Variants in TPP2 observed in about 807,000 individuals in gnomAD.
The protein encoded by TPP2 is tripeptidyl peptidase 2.
TPP2 carries 34 observed loss-of-function variants against 155.9 expected under a neutral mutation model. The observed-to-expected ratio is 0.22, with a 90% confidence interval of 0.17 to 0.29. The LOEUF (loss-of-function observed/expected upper bound fraction) is 0.29. Among genes scored for constraint, TPP2 ranks in the 10% least tolerant of loss-of-function variants. TPP2 has a pLI of 1.00. For missense variants in TPP2, 1,028 were observed against 1,522.3 expected, an observed-to-expected ratio of 0.68 and a Z score of 5.40; for synonymous variants, 510 against 529.4, an observed-to-expected ratio of 0.96 and a Z score of 0.50.
chr13:102,627,665 C>T (rs1321289931), intron 7 of TPP2, among the ~76,000 whole-genome samples, 183 bp from the exon 8 acceptor site: 2 of 150,746 alleles, frequency 1.3e-5, no homozygotes, highest in African/African-American at 2.4e-5. Flanking sequence ...TTATGTGTCT[C>T]CTCCTACCTT....
chr13:102,643,336 T>C lies in TPP2; in HGVS notation c.2135T>C (p.Leu712Pro). The change falls in exon 17 of 30, where the codon CTT becomes CCT. Residue 712 changes from leucine to proline, a missense_variant. By Grantham distance (98) the Leu-to-Pro change is moderately conservative. Transcript: ENST00000376052. The stretch of plus-strand genomic sequence containing the variant: ...CATGAATTCTATAAGTTTTGTTCTC[T>C]TCCAGAGAAAGGAACACTGACTGAA... Reference protein sequence around the residue: ...RSHEFYKFCSLPEKGTLTEAF... With the variant: ...RSHEFYKFCSPPEKGTLTEAF... 6.2e-7 allele frequency: 1 copy of C among 1,612,394 alleles called. No individual in the cohort carries two copies. Among genetic ancestry groups the C allele is most frequent in the Non-Finnish European group, 8.5e-7 (1 of 1,179,418 alleles).
At position 102,649,403 on chromosome 13, in the gene TPP2, T is replaced by C. The variant is rs770408544; in HGVS notation, c.2874-5T>C. On this transcript the variant is annotated splice_polypyrimidine_tract_variant and splice_region_variant and intron_variant, in intron 22 of 29. Transcript: ENST00000376052. ...CTTTTTTTCTCTTTGAATTCTCTTG[T>C]TTAGAATACCTAAAGGGGCAGGACC... 38 of 1,606,066 alleles carry C rather than the reference T, an allele frequency of 2.4e-5. No homozygotes were observed. Among genetic ancestry groups the C allele is most frequent in the Non-Finnish European group, 3.1e-5 (36 of 1,177,842 alleles).
chr13:102,610,804 A>G (rs1001057047), intron 2 of TPP2, among the ~76,000 whole-genome samples: 1 of 151,940 alleles, frequency 6.6e-6, no homozygotes, highest in African/African-American at 2.4e-5. Context: ...ATACATACAT[A>G]AAATACATAA....
intron 24 of TPP2, among the ~76,000 whole-genome samples, chr13:102,653,141 T>G (rs1314375556): frequency 6.6e-6 from 1 of 152,214 alleles, no homozygotes; most frequent in Non-Finnish European, 1.5e-5. Context: ...GCTAGAGTTA[T>G]CTCTGCTCGT....
intron 29 of TPP2, among the ~76,000 whole-genome samples, chr13:102,676,689 G>A (rs748889610): frequency 5.3e-5 from 8 of 152,172 alleles, no homozygotes; most frequent in African/African-American, 9.7e-5. Flanking sequence ...TTTTGTAACC[G>A]TAGAAGCCAG....
At position 102,637,224 on chromosome 13, in the gene TPP2, A is replaced by G. The variant is rs1330840477; in HGVS notation, c.1821A>G (p.Gly607=). ...TGGATCCCAGGGGCTTAAGAGAAGG[A>G]TTGCATTATACAGAGGTATTGATGT... ...IRVDPRGLRE[G]LHYTEVCGYD... is the part of the protein sequence containing the mutation. Residue 607 remains glycine (G), a synonymous_variant, in exon 14 of 30, where the codon GGA becomes GGG. Coordinates refer to ENST00000376052, the MANE Select transcript of TPP2 (RefSeq NM_001330588.2). 7 of 1,604,120 alleles carry G rather than the reference A, an allele frequency of 4.4e-6. No individual in the cohort carries two copies. The highest frequency in any genetic ancestry group is 4.0e-5 in the African/African-American group (3 of 74,580).
At chr13:102,659,261 A>G (rs912269690) in intron 25 of TPP2, among the ~76,000 whole-genome samples, 2 of 152,250 alleles carry the variant, frequency 1.3e-5, no homozygotes, top group African/African-American at 4.8e-5. Context: ...AGTCCATGGA[A>G]CAGGAGTACC....
intron 12 of TPP2, 76 bp downstream of exon 12, chr13:102,635,778 T>C (rs1323038818): frequency 1.7e-6 from 2 of 1,162,320 alleles, no homozygotes. Flanking sequence ...GGTAATATTT[T>C]GTTTTATAAC....
chr13:102,658,151 T>C (rs1883979078), intron 25 of TPP2, among the ~76,000 whole-genome samples: 1 of 152,242 alleles, frequency 6.6e-6, no homozygotes. Flanking sequence ...ATTTATTCTA[T>C]GTAGTCAAGT....
intron 9 of TPP2, 56 bp downstream of exon 9, chr13:102,629,665 T>C: frequency 6.5e-7 from 1 of 1,530,332 alleles, no homozygotes. Flanking sequence ...CAAAAAACAA[T>C]AGTTAATGAA....
At chr13:102,663,839 G>C (rs1477927391) in intron 26 of TPP2, 95 bp downstream of exon 26, 1 of 946,352 alleles carries the variant, frequency 1.1e-6, no homozygotes, top group Non-Finnish European at 1.5e-6. Context: ...TTCTGTTCTT[G>C]CTAACTAAAA....
chr13:102,635,239 C>T (rs1882289261), intron 11 of TPP2, among the ~76,000 whole-genome samples: 1 of 152,126 alleles, frequency 6.6e-6, no homozygotes, highest in South Asian at 2.1e-4. Context: ...GGTTGAACAC[C>T]ACAGCCAACA....
intron 28 of TPP2, among the ~76,000 whole-genome samples, chr13:102,675,885 G>T (rs1885254474): frequency 1.3e-5 from 2 of 152,070 alleles, no homozygotes; most frequent in African/African-American, 2.4e-5. Context: ...GTAATTACAG[G>T]TAAAAACTTG....
Position 102,627,003 on chromosome 13 carries a change from T to G in TPP2, c.785-9T>G. 1 of 1,521,226 alleles carries G rather than the reference T, an allele frequency of 6.6e-7. No individual in the cohort carries two copies. Among genetic ancestry groups the G allele is most frequent in the Non-Finnish European group, 8.8e-7 (1 of 1,136,496 alleles). 94.2% of individuals were successfully genotyped at this position (1,521,226 alleles called of 1,614,324 possible). A position where few individuals can be genotyped will look rare whatever the true frequency, so the allele number is the denominator to read the frequency against. ...ATGTTTTGTCATTTCCCCACCTTTG[T>G]GTCTCTAGGAGCTCATGGGACACAT... On this transcript the variant is annotated splice_polypyrimidine_tract_variant and intron_variant, in intron 6 of 29. Transcript: ENST00000376052.
intron 2 of TPP2, among the ~76,000 whole-genome samples, chr13:102,608,692 C>A (rs1880034620): frequency 2.0e-5 from 3 of 151,868 alleles, no homozygotes; most frequent in African/African-American, 7.3e-5. Context: ...TAATTTTTTT[C>A]TATTTCATTG....
chr13:102,645,101 C>G (rs1327403539), intron 19 of TPP2, 92 bp downstream of exon 19: 1 of 1,153,504 alleles, frequency 8.7e-7, no homozygotes, highest in Admixed American at 2.4e-5. Context: ...TTTTTTTAAT[C>G]CACCTGCATG....
At chr13:102,598,056 C>G (rs571009457) in intron 1 of TPP2, among the ~76,000 whole-genome samples, 22 of 152,204 alleles carry the variant, frequency 1.4e-4, no homozygotes, top group African/African-American at 5.1e-4. Context: ...ACTTTAAAAT[C>G]TGTAGATTCA....
At chr13:102,619,605 C>T (rs1881006087) in intron 5 of TPP2, among the ~76,000 whole-genome samples, 1 of 152,220 alleles carries the variant, frequency 6.6e-6, no homozygotes, top group Admixed American at 6.5e-5. Flanking sequence ...CTTCACAGTG[C>T]ACCCTTCTTA....
chr13:102,665,610 C>G (rs1298632766), intron 27 of TPP2, among the ~76,000 whole-genome samples: 1 of 152,154 alleles, frequency 6.6e-6, no homozygotes, highest in African/African-American at 2.4e-5. Flanking sequence ...CACTTTCACC[C>G]TTCCATGAAC....
Sources: allele counts gnomAD v4.1 joint callset (sites outside exome capture counted in the v4.1 genomes callset), GRCh38; gene constraint gnomAD v4.1.1; transcripts MANE v1.5; gene names NCBI Gene and HGNC (gene_info 2026-07-23, HGNC 2026-07-21).